Variants in KIAA1328 observed in about 807,000 individuals in gnomAD.
KIAA1328 encodes the protein protein hinderin.
Under a neutral mutation model 68.1 loss-of-function variants are expected in KIAA1328, and 52 were observed. That is an observed-to-expected ratio of 0.76 (90% CI 0.61 to 0.96). The LOEUF (loss-of-function observed/expected upper bound fraction) is 0.96, where lower values mean the gene tolerates loss of function less well. KIAA1328 is among the 40% of genes least tolerant of loss of function. The pLI is 0.00. For missense variants in KIAA1328, 641 were observed against 677.6 expected, an observed-to-expected ratio of 0.95 and a Z score of 0.60; for synonymous variants, 232 against 239.4, an observed-to-expected ratio of 0.97 and a Z score of 0.28.
At chr18:36,870,019 C>T (rs746043571) in intron 4 of KIAA1328, among the ~76,000 whole-genome samples, 14 of 151,866 alleles carry the variant, frequency 9.2e-5, no homozygotes, top group Non-Finnish European at 1.6e-4. Context: ...CGCGCCACCA[C>T]GTCCAGCTGA....
intron 8 of KIAA1328, among the ~76,000 whole-genome samples, chr18:37,171,265 G>A (rs2059493952): frequency 1.3e-5 from 2 of 152,048 alleles, no homozygotes; most frequent in South Asian, 4.1e-4. Flanking sequence ...AGGCTAGAGT[G>A]CAGTAGTATG....
At chr18:37,023,619 T>G (rs1474808410) in intron 6 of KIAA1328, among the ~76,000 whole-genome samples, 6 of 152,264 alleles carry the variant, frequency 3.9e-5, no homozygotes, top group Middle Eastern at 3.4e-3. Flanking sequence ...AGAAGATTCA[T>G]TTTTGTTTTA....
At position 37,091,457 on chromosome 18, in the gene KIAA1328, G is replaced by A. The variant is rs1568391614; in HGVS notation, c.1232+23912G>A. ...ATTTCTATTGGTCCACATTCCCACCGTGGACTCCTGCAATTCTAGCTATAG... is the reference window on the plus strand; with the variant it reads ...ATTTCTATTGGTCCACATTCCCACCATGGACTCCTGCAATTCTAGCTATAG... On this transcript the variant is annotated intron_variant, in intron 7 of 9. Coordinates refer to ENST00000280020, the MANE Select transcript of KIAA1328 (RefSeq NM_020776.3). Among the ~76,000 whole-genome samples, 5 of 151,988 alleles carry A rather than the reference G, an allele frequency of 3.3e-5. No homozygotes were observed. In the South Asian group the frequency reaches 8.3e-4, roughly 25 times the overall value.
intron 5 of KIAA1328, among the ~76,000 whole-genome samples, chr18:36,906,006 A>C (rs11664299): frequency 0.14 from 20,713 of 152,192 alleles, 1,757 homozygotes; most frequent in Admixed American, 0.18. Flanking sequence ...ACTCATATTT[A>C]CATGGGAAAC....
intron 5 of KIAA1328, among the ~76,000 whole-genome samples, chr18:36,888,537 T>C (rs2048576238): frequency 6.6e-6 from 1 of 152,164 alleles, no homozygotes; most frequent in Admixed American, 6.5e-5. Flanking sequence ...TTGTCAAAAA[T>C]TAAAATATTT....
intron 3 of KIAA1328, among the ~76,000 whole-genome samples, chr18:36,840,541 C>T (rs567120319): frequency 2.9e-4 from 44 of 151,746 alleles, no homozygotes; most frequent in African/African-American, 9.2e-4. Flanking sequence ...CCTCTGCCTC[C>T]TGGGTTCTGG....
chr18:37,084,475 T>TC lies in KIAA1328; in HGVS notation c.1232+16930_1232+16931insC. The TC allele has an allele frequency of 1.2e-5, 3 of 255,874 alleles. No individual in the cohort carries two copies. In the East Asian group the frequency reaches 2.1e-4, roughly 18 times the overall value. The allele number at this position is 255,874 out of a possible 1,614,324, so 15.9% of individuals were successfully genotyped here. A position where few individuals can be genotyped will look rare whatever the true frequency, so the allele number is the denominator to read the frequency against. Reference sequence around the variant, plus strand: ...TTTCTACTATTTCTTTTTTGTTTTTTGTTTTTTTTTTTTTTTTGGTGCGGT... The same window carrying TC: ...TTTCTACTATTTCTTTTTTGTTTTTTCGTTTTTTTTTTTTTTTTGGTGCGGT... On this transcript the variant is annotated intron_variant, in intron 7 of 9. Coordinates refer to ENST00000280020, the MANE Select transcript of KIAA1328 (RefSeq NM_020776.3).
At chr18:36,988,003 A>T (rs2053016186) in intron 6 of KIAA1328, among the ~76,000 whole-genome samples, 1 of 152,216 alleles carries the variant, frequency 6.6e-6, no homozygotes, top group South Asian at 2.1e-4. Flanking sequence ...GAAATTTGTA[A>T]GCAGTTAGTA....
chr18:37,062,041 T>C (rs2056167256), intron 6 of KIAA1328, among the ~76,000 whole-genome samples: 1 of 152,252 alleles, frequency 6.6e-6, no homozygotes, highest in Non-Finnish European at 1.5e-5. Context: ...ACGCGCTTTA[T>C]ATGTATTACT....
chr18:36,944,649 A>G (rs1294961962), intron 5 of KIAA1328, among the ~76,000 whole-genome samples: 1 of 152,176 alleles, frequency 6.6e-6, no homozygotes, highest in African/African-American at 2.4e-5. Flanking sequence ...CTTAGGGAGT[A>G]TGTCCATTTA....
At chr18:36,858,861 G>A (rs981321441) in intron 4 of KIAA1328, among the ~76,000 whole-genome samples, 1 of 152,180 alleles carries the variant, frequency 6.6e-6, no homozygotes, top group African/African-American at 2.4e-5. Flanking sequence ...ATTAATGCAT[G>A]TTTGCTCTTA....
At chr18:36,917,202 A>C (rs1185477613) in intron 5 of KIAA1328, among the ~76,000 whole-genome samples, 1 of 152,120 alleles carries the variant, frequency 6.6e-6, no homozygotes, top group Non-Finnish European at 1.5e-5. Context: ...CCATATTATG[A>C]ATGACATATT....
At chr18:36,900,956 G>A (rs1193753838) in intron 5 of KIAA1328, among the ~76,000 whole-genome samples, 4 of 152,040 alleles carry the variant, frequency 2.6e-5, no homozygotes, top group East Asian at 1.9e-4. Context: ...AAACTTCCAC[G>A]GTTAAATGTT....
intron 5 of KIAA1328, among the ~76,000 whole-genome samples, chr18:36,926,149 C>T (rs2050108421): frequency 1.3e-5 from 2 of 151,942 alleles, no homozygotes; most frequent in African/African-American, 4.8e-5. Flanking sequence ...TTCTTGGGTG[C>T]TAATTGATTG....
At chr18:37,002,093 T>C (rs1243781235) in intron 6 of KIAA1328, among the ~76,000 whole-genome samples, 1 of 152,108 alleles carries the variant, frequency 6.6e-6, no homozygotes, top group East Asian at 1.9e-4. Flanking sequence ...TAATATTATC[T>C]TATATCTGGA....
chr18:37,149,236 T>A (rs539696112), intron 7 of KIAA1328, among the ~76,000 whole-genome samples: 19 of 152,072 alleles, frequency 1.2e-4, no homozygotes, highest in Non-Finnish European at 2.5e-4. Context: ...TGGAACAGAA[T>A]AGAAGACACA....
At chr18:37,065,639 C>T (rs2056313966) in intron 6 of KIAA1328, among the ~76,000 whole-genome samples, 1 of 152,198 alleles carries the variant, frequency 6.6e-6, no homozygotes, top group Non-Finnish European at 1.5e-5. Flanking sequence ...TGATCGTTAG[C>T]TGGATTCATT....
chr18:36,885,142 T>C (rs1049222690), intron 4 of KIAA1328, among the ~76,000 whole-genome samples: 3 of 152,146 alleles, frequency 2.0e-5, no homozygotes, highest in Non-Finnish European at 2.9e-5. Context: ...ACATATTTTG[T>C]TTATTTTATT....
intron 5 of KIAA1328, among the ~76,000 whole-genome samples, chr18:36,889,869 G>T (rs1239522815): frequency 6.6e-6 from 1 of 152,158 alleles, no homozygotes; most frequent in Non-Finnish European, 1.5e-5. Flanking sequence ...AGGCTGCTTA[G>T]TAGCCCAGTA....
Sources: gnomAD v4.1 joint callset for allele counts (sites outside exome capture counted in the v4.1 genomes callset) on GRCh38, gnomAD v4.1.1 for gene constraint, MANE v1.5 for transcripts, NCBI Gene and HGNC (gene_info 2026-07-23, HGNC 2026-07-21) for gene names.